TACC3: variants seen among roughly 807,000 people sequenced by gnomAD.
TACC3 encodes the protein transforming acidic coiled-coil-containing protein 3.
Under a neutral mutation model 86.0 loss-of-function variants are expected in TACC3, and 52 were observed. That is an observed-to-expected ratio of 0.60 (90% CI 0.48 to 0.76). TACC3 has a LOEUF of 0.76. Ranked by LOEUF, TACC3 falls within the 30% of genes least tolerant of loss-of-function variation. The pLI, the probability that TACC3 is intolerant of heterozygous loss-of-function variation, is 0.00. For synonymous variants in TACC3, 512 were observed against 430.0 expected, an observed-to-expected ratio of 1.19 and a Z score of -2.36; for missense variants, 1,120 against 1,070.4, an observed-to-expected ratio of 1.05 and a Z score of -0.65.
At position 1,735,930 on chromosome 4, in the gene TACC3, C is replaced by A; in HGVS notation, c.1748+96C>A. Reference sequence around the variant, plus strand: ...GCTGTCTGCACAGAGGCTTCTAGACCGGGGGGAGATGATCAGAACTGGAAA... The same window carrying A: ...GCTGTCTGCACAGAGGCTTCTAGACAGGGGGGAGATGATCAGAACTGGAAA... On this transcript the variant is annotated intron_variant, in intron 8 of 15. Transcript: ENST00000313288. This position sits in a 1 kb window ranked among gnomAD's most constrained non-coding sequence, Gnocchi z 4.2. 4.5e-6 allele frequency: 4 copies of A among 880,692 alleles called. No individual in the cohort carries two copies. The highest frequency in any genetic ancestry group is 3.2e-5 in the South Asian group (2 of 62,864). 54.6% of individuals were successfully genotyped at this position (880,692 alleles called of 1,614,324 possible).
At chr4:1,740,681 G>A in intron 12 of TACC3, 145 bp from the exon 13 acceptor site, 1 of 689,816 alleles carries the variant, frequency 1.4e-6, no homozygotes, top group Non-Finnish European at 2.5e-6. Flanking sequence ...CCTGGGTGGA[G>A]GGACCCATCA....
chr4:1,744,746 G>T lies in TACC3; in HGVS notation c.2365G>T (p.Ala789Ser). 1 of 1,612,696 alleles carries T rather than the reference G, an allele frequency of 6.2e-7. No homozygotes were observed. ...GGAGATCGCCCAGGTCCGGAGCAAG[G>T]CCCAGGCGGAAGCGTTGGCCCTCCA... ...NEEIAQVRSK[A>S]QAEALALQAS... Residue 789 changes from alanine to serine, a missense_variant, in exon 15 of 16, where the codon GCC (alanine) becomes TCC (serine). By Grantham distance (99) the Ala-to-Ser change is moderately conservative (BLOSUM62 1). Coordinates refer to ENST00000313288, the MANE Select transcript of TACC3 (RefSeq NM_006342.3).
chr4:1,740,123 G>C (rs952692857), intron 12 of TACC3, 121 bp downstream of exon 12: 1 of 977,288 alleles, frequency 1.0e-6, no homozygotes, highest in South Asian at 1.5e-5. Context: ...CCTAACACAC[G>C]AGTCCCTTCA....
intron 10 of TACC3, among the ~76,000 whole-genome samples, chr4:1,738,935 G>C (rs1399684610): frequency 6.6e-6 from 1 of 152,172 alleles, no homozygotes. Flanking sequence ...GTGAACTACT[G>C]ATTAGGACTG....
rs756694168 is a variant in TACC3, at chr4:1,727,818, G to A, written c.416G>A (p.Gly139Asp). The A allele has an allele frequency of 9.9e-6, 16 of 1,612,858 alleles. No individual in the cohort carries two copies. Among genetic ancestry groups the A allele is most frequent in the African/African-American group, 1.3e-5 (1 of 74,944 alleles). Residue 139 changes from glycine to aspartate, a missense_variant, in exon 4 of 16, where the codon GGC becomes GAC. By Grantham distance (94) the Gly-to-Asp change is moderately conservative (BLOSUM62 -1). Transcript: ENST00000313288. ...LGDASPAFGS[G>D]SSSESGPGAL... ...GATGCAAGCCCAGCCTTTGGGAGTG[G>A]CAGCTCCAGCGAGTCTGGCCCAGGT...
intron 12 of TACC3, chr4:1,740,337 C>T: frequency 2.1e-6 from 1 of 465,970 alleles, no homozygotes; most frequent in South Asian, 2.6e-5. Flanking sequence ...CTATGTCTAG[C>T]AGCAGCCTCT....
Position 1,745,062 on chromosome 4 carries a change from T to C in TACC3, c.*49T>C, listed in dbSNP as rs1718786059. 1.3e-6 allele frequency: 2 copies of C among 1,547,448 alleles called. No homozygotes were observed. The highest frequency in any genetic ancestry group is 1.8e-6 in the Non-Finnish European group (2 of 1,140,926). On this transcript the variant is annotated 3_prime_UTR_variant, in exon 16 of 16. Transcript: ENST00000313288. ...CCCCCCTGCTCCCGTCTGTCTGTCC[T>C]GTCTGATTCTCTTAGGTGTCATGTT...
At chr4:1,730,744 C>G (rs1422522093) in intron 4 of TACC3, 143 bp from the exon 5 acceptor site, 1 of 985,694 alleles carries the variant, frequency 1.0e-6, no homozygotes, top group Non-Finnish European at 1.6e-6. Context: ...TTGGGACAGC[C>G]CCATGCCTGG....
chr4:1,737,797 C>G, intron 10 of TACC3, 95 bp downstream of exon 10: 1 of 456,136 alleles, frequency 2.2e-6, no homozygotes, highest in Middle Eastern at 4.8e-4. Flanking sequence ...GACCCGCCAT[C>G]CCTGCCATCC....
At position 1,735,591 on chromosome 4, in the gene TACC3, G is replaced by A. The variant is rs141662165; in HGVS notation, c.1645-140G>A. 1,465 of 782,580 alleles carry A rather than the reference G, an allele frequency of 1.9e-3. 26 individuals are homozygous for A. The East Asian group carries it at 0.031, about 17-fold the overall frequency. The allele number at this position is 782,580 out of a possible 1,614,324, so 48.5% of individuals were successfully genotyped here. A position where few individuals can be genotyped will look rare whatever the true frequency, so the allele number is the denominator to read the frequency against. On this transcript the variant is annotated intron_variant, in intron 7 of 15. Transcript: ENST00000313288. This position sits in a 1 kb window ranked among gnomAD's most constrained non-coding sequence, Gnocchi z 4.2. ...GTGCTGCTGGGAATGGTGGTGTCTCGGGCAGGGTTGTGGGTGACCGGGGGT... is the reference window on the plus strand; with the variant it reads ...GTGCTGCTGGGAATGGTGGTGTCTCAGGCAGGGTTGTGGGTGACCGGGGGT...
chr4:1,743,709 G>T (rs1428374676), intron 13 of TACC3, among the ~76,000 whole-genome samples: 1 of 152,238 alleles, frequency 6.6e-6, no homozygotes, highest in Non-Finnish European at 1.5e-5. Context: ...GCCAGAGGGA[G>T]AGACGCCGCT....
intron 12 of TACC3, chr4:1,740,258 G>C (rs1718519122): frequency 1.7e-6 from 1 of 579,418 alleles, no homozygotes; most frequent in South Asian, 2.1e-5. Flanking sequence ...AGCTAGCAGT[G>C]GGGCTGTGGT....
upstream of TACC3, chr4:1,720,767 T>A: frequency 2.5e-6 from 4 of 1,591,366 alleles, no homozygotes; most frequent in Non-Finnish European, 3.4e-6. The surrounding 1 kb of genome is among the most constrained non-coding windows in gnomAD (Gnocchi z 4.4). Context: ...GTGGAACTCG[T>A]TGGGCGTGAA....
rs1560322236 is a variant in TACC3 at position 1,739,946 on chromosome 4, T to C, written c.2019-13T>C. 2.5e-6 allele frequency: 4 copies of C among 1,612,998 alleles called. No individual in the cohort carries two copies. The highest frequency in any genetic ancestry group is 3.4e-6 in the Non-Finnish European group (4 of 1,179,960). ...CCCGAGGCAATGGCTGTGTGTCTGT[T>C]CTCCTCCCACAGGAAGATCATGGAC... is the stretch of plus-strand genomic sequence containing the variant. On this transcript the variant is annotated splice_polypyrimidine_tract_variant and intron_variant, in intron 11 of 15. Coordinates refer to ENST00000313288, the MANE Select transcript of TACC3 (RefSeq NM_006342.3).
At chr4:1,724,786 G>C (rs1577206439) in intron 3 of TACC3, among the ~76,000 whole-genome samples, 2 of 152,096 alleles carry the variant, frequency 1.3e-5, no homozygotes, top group African/African-American at 4.8e-5. Context: ...TTTTGAGACA[G>C]AGTTTCGCTC....
intron 1 of TACC3, among the ~76,000 whole-genome samples, chr4:1,722,525 G>A (rs1717456690): frequency 6.6e-6 from 1 of 152,136 alleles, no homozygotes; most frequent in African/African-American, 2.4e-5. Flanking sequence ...ACCACAGTGG[G>A]CTTCTCAAGC....
chr4:1,739,258 A>C (rs10022431), intron 10 of TACC3: 62,081 of 156,730 alleles, frequency 0.4, 12,747 homozygotes, highest in Non-Finnish European at 0.46. Flanking sequence ...CAGCAAGCAG[A>C]GATCACGTGA....
Position 1,730,900 on chromosome 4 carries a change from G to A in TACC3, c.1399G>A (p.Ala467Thr). 2 of 1,613,322 alleles carry A rather than the reference G, an allele frequency of 1.2e-6. No homozygotes were observed. The highest frequency in any genetic ancestry group is 1.7e-6 in the Non-Finnish European group (2 of 1,180,038). ...CTGTCTCCCCAGGCAGCTGCATTCA[G>A]CCTCAGCGGAGGACACGCCTGTGGT... ...GPCLSQQLHS[A>T]SAEDTPVVQL... The change falls in exon 5 of 16, where the codon GCC (alanine) becomes ACC (threonine). Residue 467 changes from alanine (A) to threonine (T), a missense_variant. Ala to Thr is a moderately conservative substitution (Grantham distance 58). Transcript: ENST00000313288.
chr4:1,720,968 G>A (rs1313435683), upstream of TACC3: 1 of 446,870 alleles, frequency 2.2e-6, no homozygotes, highest in African/African-American at 2.1e-5. This position sits in a 1 kb window ranked among gnomAD's most constrained non-coding sequence, Gnocchi z 4.4. Context: ...CTAGGACATG[G>A]AGTCCCGCCG....
Sources: gnomAD v4.1 joint callset for allele counts (sites outside exome capture counted in the v4.1 genomes callset) on GRCh38, gnomAD v4.1.1 for gene constraint, Gnocchi (gnomAD v3.1) non-coding constraint, MANE v1.5 for transcripts, NCBI Gene and HGNC (gene_info 2026-07-23, HGNC 2026-07-21) for gene names.